The following ANO5 variants were observed in gnomAD, a reference collection of about 807,000 sequenced individuals.
ANO5 encodes the protein anoctamin-5.
A neutral mutation model predicts 121.0 loss-of-function variants in ANO5; 109 were observed. That is an observed-to-expected ratio of 0.90 (90% CI 0.77 to 1.06). ANO5 has a LOEUF of 1.06. ANO5 is among the 50% of genes least tolerant of loss of function. ANO5 has a pLI of 0.00. For synonymous variants in ANO5, 406 were observed against 359.9 expected (o/e 1.13, Z -1.45); for missense variants, 1,064 against 1,078.5 (o/e 0.99, Z 0.19).
intron 17 of ANO5, among the ~76,000 whole-genome samples, chr11:22,269,303 A>G (rs1167215167): frequency 2.6e-5 from 2 of 77,782 alleles, no homozygotes; most frequent in African/African-American, 1.3e-4. Flanking sequence ...AGGAAAGAAG[A>G]AAGGAAGGAA....
At chr11:22,247,200 T>A (rs1277846238) in intron 9 of ANO5, among the ~76,000 whole-genome samples, 2 of 152,130 alleles carry the variant, frequency 1.3e-5, no homozygotes, top group South Asian at 2.1e-4. Flanking sequence ...GGTAAGAATA[T>A]CTCAGGCAAA....
chr11:22,238,730 AT>A (rs1000286913), intron 8 of ANO5, among the ~76,000 whole-genome samples: 5 of 152,044 alleles, frequency 3.3e-5, no homozygotes, highest in South Asian at 4.2e-4. Flanking sequence ...TATTTTATTT[AT>A]TTTTTTAACT....
rs1447935230 is a variant in ANO5, at chr11:22,272,772, T to C, written c.2030-12T>C. 1 of 1,611,936 alleles carries C rather than the reference T, an allele frequency of 6.2e-7. No individual in the cohort carries two copies. The highest frequency in any genetic ancestry group is 8.5e-7 in the Non-Finnish European group (1 of 1,178,294). ...ACAATAATGAGTTCATGCCTTTTTC[T>C]TTTCTCTACAGTTACTCAATTTGGA... On this transcript the variant is annotated splice_polypyrimidine_tract_variant and intron_variant, in intron 18 of 21. Transcript: ENST00000324559.
At chr11:22,278,151 T>C (rs1300092690) in intron 21 of ANO5, 2 of 151,706 alleles carry the variant, frequency 1.3e-5, no homozygotes. Context: ...CCCCAGTCTT[T>C]GTGTATTATC....
chr11:22,272,586 TTC>T, intron 18 of ANO5, among the ~76,000 whole-genome samples, 196 bp from the exon 19 acceptor site: 1 of 152,170 alleles, frequency 6.6e-6, no homozygotes, highest in East Asian at 1.9e-4. Context: ...CATGCCCAGT[TTC>T]TCCTTCCAGT....
intron 1 of ANO5, among the ~76,000 whole-genome samples, chr11:22,203,391 T>C (rs982206022): frequency 6.6e-6 from 1 of 152,224 alleles, no homozygotes; most frequent in South Asian, 2.1e-4. Context: ...GTGTTCTATA[T>C]ACAAGCTGTC....
Position 22,257,774 on chromosome 11 carries a change from T to C in ANO5, c.1407+20T>C, listed in dbSNP as rs1854052784. ...TTATGGGTGAGCATTTCTTTAAAAA[T>C]TGCTATAATTTCTTCAACAGGTGAT... On this transcript the variant is annotated intron_variant, in intron 14 of 21. Transcript: ENST00000324559. The C allele has an allele frequency of 1.9e-6, 3 of 1,585,534 alleles. No homozygotes were observed. In the African/African-American group the frequency reaches 4.0e-5, roughly 21 times the overall value.
chr11:22,279,265 A>G (rs532934997), intron 21 of ANO5, among the ~76,000 whole-genome samples: 3 of 151,968 alleles, frequency 2.0e-5, no homozygotes, highest in African/African-American at 7.2e-5. Flanking sequence ...ATTCCTTTAT[A>G]AATATTTTAT....
At position 22,255,409 on chromosome 11, in the gene ANO5, AGACT is replaced by A; in HGVS notation, c.1221_1224del (p.Leu408AsnfsTer18). 1 of 1,612,210 alleles carries A rather than the reference AGACT, an allele frequency of 6.2e-7. No homozygotes were observed. Among genetic ancestry groups the A allele is most frequent in the Non-Finnish European group, 8.5e-7 (1 of 1,178,674 alleles). ...GGAGTTTTGGAAACAACGACAAGCC[AGACT>A]GGAATATGAATGGGACCTGGTGGAC... On this transcript the variant is annotated frameshift_variant, in exon 13 of 22. Coordinates refer to ENST00000324559, the MANE Select transcript of ANO5 (RefSeq NM_213599.3). LOFTEE classifies it high-confidence loss of function.
chr11:22,271,972 C>A (rs969182565), intron 18 of ANO5, among the ~76,000 whole-genome samples: 1 of 151,880 alleles, frequency 6.6e-6, no homozygotes, highest in African/African-American at 2.4e-5. Flanking sequence ...ATGCTAAATT[C>A]CAGAAATATT....
At position 22,211,279 on chromosome 11, in the gene ANO5, A is replaced by G. The variant is rs1852267355; in HGVS notation, c.103A>G (p.Arg35Gly). 1.6e-5 allele frequency: 26 copies of G among 1,612,238 alleles called. No homozygotes were observed. The East Asian group carries it at 4.2e-4, about 26-fold the overall frequency. ...FQMSEQSLSS[R>G]ETSFLINEET... is the part of the protein sequence containing the mutation. Reference sequence around the variant, plus strand: ...GTACTGTTAGCAGAGCCTGAGCAGCAGAGAGACCAGCTTTCTCATCAATGA... The same window carrying G: ...GTACTGTTAGCAGAGCCTGAGCAGCGGAGAGACCAGCTTTCTCATCAATGA... The change falls in exon 3 of 22, where the codon AGA becomes GGA. Residue 35 changes from arginine (R) to glycine (G), a missense_variant. Coordinates refer to ENST00000324559, the MANE Select transcript of ANO5 (RefSeq NM_213599.3).
intron 6 of ANO5, 137 bp from the exon 7 acceptor site, chr11:22,227,165 T>G: frequency 8.4e-7 from 1 of 1,184,760 alleles, no homozygotes; most frequent in Non-Finnish European, 1.2e-6. Flanking sequence ...TTCTCAAAGT[T>G]TTGCCTGAAA....
At chr11:22,271,593 T>C (rs1854613943) in intron 18 of ANO5, among the ~76,000 whole-genome samples, 1 of 152,224 alleles carries the variant, frequency 6.6e-6, no homozygotes, top group Non-Finnish European at 1.5e-5. Flanking sequence ...CATATGTACA[T>C]CAGAGATTAC....
chr11:22,255,757 C>T (rs762081508), intron 13 of ANO5, among the ~76,000 whole-genome samples: 2 of 152,034 alleles, frequency 1.3e-5, no homozygotes, highest in Non-Finnish European at 2.9e-5. Context: ...TAATGAACTA[C>T]ATGGATGAAC....
intron 3 of ANO5, among the ~76,000 whole-genome samples, chr11:22,214,998 A>G (rs940343800): frequency 1.3e-5 from 2 of 152,028 alleles, no homozygotes; most frequent in Admixed American, 1.3e-4. Flanking sequence ...TCAGTATAGA[A>G]ATGTCACTAA....
chr11:22,250,927 A>C, intron 11 of ANO5, 24 bp from the exon 12 acceptor site: 1 of 1,609,656 alleles, frequency 6.2e-7, no homozygotes, highest in African/African-American at 1.3e-5. Flanking sequence ...TATCTTTGTG[A>C]TATTGTTATT....
chr11:22,201,877 C>T (rs1487414006), intron 1 of ANO5, among the ~76,000 whole-genome samples: 1 of 152,120 alleles, frequency 6.6e-6, no homozygotes, highest in Non-Finnish European at 1.5e-5. Context: ...GTTTCTGACA[C>T]ATAAACTTTG....
chr11:22,210,001 A>G (rs1852229759), intron 2 of ANO5, among the ~76,000 whole-genome samples: 1 of 151,960 alleles, frequency 6.6e-6, no homozygotes, highest in Non-Finnish European at 1.5e-5. Context: ...AGAGGCTACT[A>G]TTTCAGAATT....
chr11:22,272,302 GCACACACACACACACACACACACA>G lies in ANO5; in HGVS notation c.2030-461_2030-438del, dbSNP rs60487083. Among the ~76,000 whole-genome samples the G allele has an allele frequency of 7.6e-3, 1,016 of 134,566 alleles. 8 individuals are homozygous for G. Among genetic ancestry groups the G allele is most frequent in the African/African-American group, 0.026 (954 of 36,580 alleles). The allele number at this position is 134,566 out of a possible 152,430, so 88.3% of individuals were successfully genotyped here. A position where few individuals can be genotyped will look rare whatever the true frequency, so the allele number is the denominator to read the frequency against. On this transcript the variant is annotated intron_variant, in intron 18 of 21. Transcript: ENST00000324559. Reference sequence around the variant, plus strand: ...TAGAAAATGTATATTTCCTTTTCCGGCACACACACACACACACACACACACACACACACACACACACACAGCTGG... The same window carrying G: ...TAGAAAATGTATATTTCCTTTTCCGGCACACACACACACACACACAGCTGG...
Sources: gnomAD v4.1 joint callset for allele counts (sites outside exome capture counted in the v4.1 genomes callset) on GRCh38, gnomAD v4.1.1 for gene constraint, MANE v1.5 for transcripts, NCBI Gene and HGNC (gene_info 2026-07-23, HGNC 2026-07-21) for gene names.